The following CADPS variants were observed in gnomAD, a reference collection of about 807,000 sequenced individuals.
CADPS encodes calcium dependent secretion activator.
A neutral mutation model predicts 167.3 loss-of-function variants in CADPS; 57 were observed. That is an observed-to-expected ratio of 0.34 (90% confidence interval 0.28 to 0.42). The LOEUF is 0.42. Ranked by LOEUF, CADPS falls within the 20% of genes least tolerant of loss-of-function variation. The pLI is 1.00. For missense variants in CADPS, 1,414 were observed against 1,738.1 expected (o/e 0.81, Z 3.32); for synonymous variants, 676 against 635.3 (o/e 1.06, Z -0.96).
intron 3 of CADPS, among the ~76,000 whole-genome samples, chr3:62,685,001 C>T (rs2077751147): frequency 6.7e-6 from 1 of 150,116 alleles, no homozygotes; most frequent in South Asian, 2.2e-4. Context: ...AAACTCTGTC[C>T]CTGAACTTAT....
Position 62,835,233 on chromosome 3 carries a change from G to T in CADPS, c.441+39356C>A, listed in dbSNP as rs304179. On this transcript the variant is annotated intron_variant, in intron 1 of 29. Coordinates refer to ENST00000383710, the MANE Select transcript of CADPS (RefSeq NM_003716.4). ...TAAAATTACCTTTTCCCATTAAGTAGTATCTCAAAATAAAAAATAAAGAAC... is the reference window on the plus strand; with the variant it reads ...TAAAATTACCTTTTCCCATTAAGTATTATCTCAAAATAAAAAATAAAGAAC... 9.2e-5 allele frequency among the ~76,000 whole-genome samples: 14 copies of T among 152,130 alleles called. No homozygotes were observed. In the East Asian group the frequency reaches 2.5e-3, roughly 27 times the overall value.
intron 26 of CADPS, among the ~76,000 whole-genome samples, chr3:62,447,163 T>C (rs2057347003): frequency 6.6e-6 from 1 of 152,210 alleles, no homozygotes; most frequent in South Asian, 2.1e-4. Flanking sequence ...GGGGAAATCA[T>C]GCCAAGTTCC....
At chr3:62,830,891 C>T (rs980616639) in intron 1 of CADPS, among the ~76,000 whole-genome samples, 1 of 152,146 alleles carries the variant, frequency 6.6e-6, no homozygotes, top group African/African-American at 2.4e-5. Context: ...CTCACATATC[C>T]TCATGCAAAT....
rs540359675 is a variant in CADPS at position 62,602,392 on chromosome 3, G to A, written c.1326-9644C>T. On this transcript the variant is annotated intron_variant, in intron 6 of 29. Coordinates refer to ENST00000383710, the MANE Select transcript of CADPS (RefSeq NM_003716.4). The surrounding 1 kb of genome is among the most constrained non-coding windows in gnomAD (Gnocchi z 4.4). ...CTCATGTGAACTGGGTGTTAAATTG[G>A]TGCGGTTCATAAAATTAACTGTGGG... Among the ~76,000 whole-genome samples, 24 of 152,186 alleles carry A rather than the reference G, an allele frequency of 1.6e-4. No individual in the cohort carries two copies. In the South Asian group the frequency reaches 4.6e-3, roughly 29 times the overall value.
chr3:62,645,582 G>T, intron 6 of CADPS, 140 bp downstream of exon 6: 1 of 860,676 alleles, frequency 1.2e-6, no homozygotes, highest in South Asian at 2.0e-5. Context: ...ATGTAGGCAA[G>T]TCATCTTGTT....
intron 8 of CADPS, among the ~76,000 whole-genome samples, chr3:62,573,158 A>T (rs186077769): frequency 1.6e-4 from 24 of 152,336 alleles, no homozygotes; most frequent in African/African-American, 5.8e-4. Context: ...CTGGGCTTAC[A>T]GGCGTGAGGT....
chr3:62,579,601 G>C (rs553870523), intron 8 of CADPS, among the ~76,000 whole-genome samples: 2 of 152,096 alleles, frequency 1.3e-5, no homozygotes, highest in Non-Finnish European at 2.9e-5. Flanking sequence ...TGGGTGAAAG[G>C]GAAAGGAAAC....
intron 9 of CADPS, among the ~76,000 whole-genome samples, chr3:62,559,907 A>C (rs968408385): frequency 6.6e-6 from 1 of 152,206 alleles, no homozygotes; most frequent in African/African-American, 2.4e-5. Context: ...TTAAAAAAAA[A>C]ATCACAACAG....
rs1190430436 is a variant in CADPS, at chr3:62,849,286, T to C, written c.441+25303A>G. ...CCTTTATTTCCTTCTCCTGCCTGAT[T>C]GCCCTGGCCAGAACTTCCAACACTA... On this transcript the variant is annotated intron_variant, in intron 1 of 29. Coordinates refer to ENST00000383710, the MANE Select transcript of CADPS (RefSeq NM_003716.4). Among the ~76,000 whole-genome samples the C allele has an allele frequency of 2.0e-5, 3 of 148,420 alleles. No homozygotes were observed. In the Admixed American group the frequency reaches 2.0e-4, roughly 10 times the overall value.
At position 62,532,855 on chromosome 3, in the gene CADPS, A is replaced by G. The variant is rs775489663; in HGVS notation, c.2291+16T>C. 6.2e-7 allele frequency: 1 copy of G among 1,612,298 alleles called. No homozygotes were observed. The highest frequency in any genetic ancestry group is 1.7e-5 in the Admixed American group (1 of 59,972). On this transcript the variant is annotated intron_variant, in intron 13 of 29. Transcript: ENST00000383710. ...TTTCTTAAGGATCACCTCTAGACAC[A>G]CGAACACACACTTACCTGTTCCCAT...
In CADPS at chr3:62,720,844, G is replaced by C. The variant is rs545048340; in HGVS notation, c.888+32597C>G. Among the ~76,000 whole-genome samples, 12 of 145,374 alleles carry C rather than the reference G, an allele frequency of 8.3e-5. No individual in the cohort carries two copies. The East Asian group carries it at 2.4e-3, about 29-fold the overall frequency. Reference sequence around the variant, plus strand: ...TTTTTTTTTTTCTTTTTGAGGCAGAGTCTCGCTCTGTCACCCAGACTGGAG... The same window carrying C: ...TTTTTTTTTTTCTTTTTGAGGCAGACTCTCGCTCTGTCACCCAGACTGGAG... On this transcript the variant is annotated intron_variant, in intron 3 of 29. Transcript: ENST00000383710.
chr3:62,493,639 A>T lies in CADPS; in HGVS notation c.2727+6T>A. ...CTCTTCTTTCACGAGATTTCACTTT[A>T]CTTACTTCTCCTTTATCAACATGTG... On this transcript the variant is annotated splice_donor_region_variant and intron_variant, in intron 19 of 29. Transcript: ENST00000383710. The T allele has an allele frequency of 6.4e-7, 1 of 1,554,708 alleles. No homozygotes were observed. Among genetic ancestry groups the T allele is most frequent in the Non-Finnish European group, 8.7e-7 (1 of 1,147,682 alleles).
chr3:62,469,706 C>T (rs1057440358), intron 24 of CADPS: 4 of 177,892 alleles, frequency 2.2e-5, no homozygotes, highest in Non-Finnish European at 4.9e-5. Flanking sequence ...AACAGGGTTT[C>T]ACCACGTTGG....
chr3:62,740,161 G>A (rs961723851), intron 3 of CADPS, among the ~76,000 whole-genome samples: 1 of 151,834 alleles, frequency 6.6e-6, no homozygotes, highest in Admixed American at 6.6e-5. Flanking sequence ...GCTCCAGGTT[G>A]TGAGTTCAGT....
intron 6 of CADPS, among the ~76,000 whole-genome samples, chr3:62,599,724 T>TACA (rs2059506955): frequency 5.6e-5 from 1 of 17,954 alleles, no homozygotes; most frequent in African/African-American, 2.0e-4. Flanking sequence ...ATATAATATA[T>TACA]ATAGTATATA....
intron 11 of CADPS, among the ~76,000 whole-genome samples, chr3:62,548,329 A>G (rs543876097): frequency 3.9e-5 from 6 of 152,306 alleles, no homozygotes; most frequent in Middle Eastern, 3.4e-3. Context: ...GGAAGATGTT[A>G]GAGAATACAA....
chr3:62,532,717 TTG>T (rs10586016), intron 13 of CADPS, among the ~76,000 whole-genome samples, 152 bp downstream of exon 13: 42,091 of 148,670 alleles, frequency 0.28, 6,094 homozygotes, highest in Admixed American at 0.38. Context: ...TTAGTGCCCT[TTG>T]TGTGTGTGTG....
At chr3:62,592,797 G>T in intron 6 of CADPS, 49 bp from the exon 7 acceptor site, 1 of 1,359,904 alleles carries the variant, frequency 7.4e-7, no homozygotes, top group Non-Finnish European at 1.0e-6. Flanking sequence ...GCCTTGATGA[G>T]TCTAAACTAT....
chr3:62,450,136 AAG>A (rs2057824720), intron 26 of CADPS, among the ~76,000 whole-genome samples: 1 of 152,186 alleles, frequency 6.6e-6, no homozygotes, highest in Non-Finnish European at 1.5e-5. Context: ...TGCTATAAAA[AAG>A]ATTCTGGAAT....
Sources: allele counts gnomAD v4.1 joint callset (sites outside exome capture counted in the v4.1 genomes callset), GRCh38; gene constraint gnomAD v4.1.1; non-coding constraint Gnocchi (gnomAD v3.1); transcripts MANE v1.5; gene names NCBI Gene and HGNC (gene_info 2026-07-23, HGNC 2026-07-21).